STUM: variants seen among roughly 807,000 people sequenced by gnomAD.
STUM encodes the protein protein stum homolog.
In STUM, 8 loss-of-function variants were observed where a neutral mutation model predicts 15.3. The ratio of observed to expected loss-of-function variants is 0.52; its 90% CI spans 0.31 to 0.94. The LOEUF (loss-of-function observed/expected upper bound fraction) is 0.94. Ranked by LOEUF, STUM falls within the 40% of genes least tolerant of loss-of-function variation. STUM has a pLI of 0.05. For missense variants in STUM, 142 were observed against 204.9 expected (o/e 0.69, Z 1.87); for synonymous variants, 78 against 88.7 (o/e 0.88, Z 0.68).
chr1:226,561,119 G>A (rs1207947815), intron 1 of STUM, among the ~76,000 whole-genome samples: 1 of 152,118 alleles, frequency 6.6e-6, no homozygotes, highest in Non-Finnish European at 1.5e-5. Context: ...CCTCAGAATG[G>A]TCAGGTCATG....
intron 1 of STUM, among the ~76,000 whole-genome samples, chr1:226,570,652 G>A (rs1236725657): frequency 6.6e-6 from 1 of 152,166 alleles, no homozygotes; most frequent in Admixed American, 6.5e-5. Flanking sequence ...TTGCCTCTTT[G>A]AGCTCCCTGC....
chr1:226,585,513 G>C (rs1380927193), intron 1 of STUM, among the ~76,000 whole-genome samples: 1 of 152,226 alleles, frequency 6.6e-6, no homozygotes, highest in African/African-American at 2.4e-5. Flanking sequence ...ATGAGGTCTA[G>C]AGAAGTGCCA....
chr1:226,591,471 C>A (rs1668084090), intron 1 of STUM, among the ~76,000 whole-genome samples: 1 of 152,230 alleles, frequency 6.6e-6, no homozygotes, highest in Non-Finnish European at 1.5e-5. Flanking sequence ...TGTGGGCCAG[C>A]CCAGCTTTTC....
chr1:226,578,863 A>T (rs1159555342), intron 1 of STUM, among the ~76,000 whole-genome samples: 1 of 152,114 alleles, frequency 6.6e-6, no homozygotes, highest in Non-Finnish European at 1.5e-5. Context: ...TCTCTTGCTG[A>T]TTTCTCTCTC....
chr1:226,577,976 C>G (rs1667847509), intron 1 of STUM, among the ~76,000 whole-genome samples: 1 of 152,154 alleles, frequency 6.6e-6, no homozygotes. Context: ...GGTCTGCCCC[C>G]TCGGCCTCTT....
intron 1 of STUM, among the ~76,000 whole-genome samples, chr1:226,572,442 G>C (rs929053555): frequency 6.6e-6 from 1 of 152,228 alleles, no homozygotes; most frequent in African/African-American, 2.4e-5. Flanking sequence ...GAAACCCGAG[G>C]TGGGAGAGGC....
chr1:226,592,050 T>C (rs1350992356), intron 1 of STUM, among the ~76,000 whole-genome samples: 1 of 151,680 alleles, frequency 6.6e-6, no homozygotes, highest in Admixed American at 6.6e-5. Context: ...ATTAATTTTT[T>C]TGTTGTTGTT....
chr1:226,549,062 T>C lies in STUM; in HGVS notation c.158T>C (p.Val53Ala). Residue 53 changes from valine (V) to alanine (A), a missense_variant, in exon 1 of 4, where the codon GTG becomes GCG. Transcript: ENST00000366788. The surrounding 1 kb of genome is among the most constrained non-coding windows in gnomAD (Gnocchi z 6.8). ...GCCATCCCCTACATGCCCTTCCCCG[T>C]GGCCGTCATCTGCCTCTTCCTCAAC... ...RAAIPYMPFPVAVICLFLNTF... is the reference protein window; with the variant it reads ...RAAIPYMPFPAAVICLFLNTF... 1 of 1,581,540 alleles carries C rather than the reference T, an allele frequency of 6.3e-7. No individual in the cohort carries two copies. The highest frequency in any genetic ancestry group is 8.6e-7 in the Non-Finnish European group (1 of 1,166,630).
At position 226,565,392 on chromosome 1, in the gene STUM, T is replaced by C. The variant is rs573581150; in HGVS notation, c.202+16286T>C. Among the ~76,000 whole-genome samples the C allele has an allele frequency of 4.3e-4, 66 of 152,294 alleles. No homozygotes were observed. The highest frequency in any genetic ancestry group is 1.6e-3 in the African/African-American group (65 of 41,562). On this transcript the variant is annotated intron_variant, in intron 1 of 3. Transcript: ENST00000366788. The surrounding 1 kb of genome is among the most constrained non-coding windows in gnomAD (Gnocchi z 4.4). ...CTGGTCACACAGAGATGTTTGTTTT[T>C]AGCACCCCTGACTAGACTGTGGGGT...
intron 2 of STUM, among the ~76,000 whole-genome samples, chr1:226,597,862 T>C (rs1443176768): frequency 6.6e-6 from 1 of 152,120 alleles, no homozygotes; most frequent in Non-Finnish European, 1.5e-5. Context: ...TGCCAGGGTC[T>C]CCCAGAATCA....
At chr1:226,574,176 T>G (rs1308526040) in intron 1 of STUM, among the ~76,000 whole-genome samples, 2 of 152,198 alleles carry the variant, frequency 1.3e-5, no homozygotes, top group Non-Finnish European at 2.9e-5. Flanking sequence ...ATGCCATATA[T>G]TAGATCTCTA....
At chr1:226,562,847 T>C (rs1016636093) in intron 1 of STUM, among the ~76,000 whole-genome samples, 1 of 152,216 alleles carries the variant, frequency 6.6e-6, no homozygotes, top group Non-Finnish European at 1.5e-5. Flanking sequence ...AAAATTAGAA[T>C]ACAGATTGCA....
intron 1 of STUM, among the ~76,000 whole-genome samples, chr1:226,589,786 T>C (rs1668056828): frequency 6.6e-6 from 1 of 152,048 alleles, no homozygotes; most frequent in African/African-American, 2.4e-5. Flanking sequence ...ATCTCCCCGC[T>C]CCAGCCCTGA....
At chr1:226,599,460 G>C (rs1042702663) in intron 2 of STUM, among the ~76,000 whole-genome samples, 7 of 152,236 alleles carry the variant, frequency 4.6e-5, no homozygotes, top group African/African-American at 1.7e-4. Context: ...TTATCACAAT[G>C]GACTTTTCTA....
chr1:226,562,575 C>T (rs949206257), intron 1 of STUM, among the ~76,000 whole-genome samples: 1 of 151,954 alleles, frequency 6.6e-6, no homozygotes, highest in Non-Finnish European at 1.5e-5. Flanking sequence ...GATATGATAT[C>T]CTGAGAGGAA....
At chr1:226,591,381 A>T (rs545088041) in intron 1 of STUM, among the ~76,000 whole-genome samples, 3 of 152,232 alleles carry the variant, frequency 2.0e-5, no homozygotes, top group African/African-American at 7.2e-5. Context: ...GTGTGTCAAC[A>T]TGAGTAAAAG....
rs1667330511 is a variant in STUM at position 226,549,270 on chromosome 1, C to T, written c.202+164C>T. On this transcript the variant is annotated intron_variant, in intron 1 of 3. Transcript: ENST00000366788. The surrounding 1 kb of genome is among the most constrained non-coding windows in gnomAD (Gnocchi z 6.8). ...GGCGTCCCCGGGCAGGTGGCAGAAG[C>T]GCGTGGAGTGTGCACCCCAGAGGGG... Among the ~76,000 whole-genome samples the T allele has an allele frequency of 6.6e-6, 1 of 152,178 alleles. No homozygotes were observed. The highest frequency in any genetic ancestry group is 1.5e-5 in the Non-Finnish European group (1 of 68,022).
chr1:226,577,842 A>G (rs1667845030), intron 1 of STUM, among the ~76,000 whole-genome samples: 1 of 152,182 alleles, frequency 6.6e-6, no homozygotes, highest in Non-Finnish European at 1.5e-5. Context: ...TGAAGGAGAC[A>G]GAGGCTGCAC....
At chr1:226,576,163 G>A (rs1253176798) in intron 1 of STUM, among the ~76,000 whole-genome samples, 1 of 152,252 alleles carries the variant, frequency 6.6e-6, no homozygotes, top group Non-Finnish European at 1.5e-5. Flanking sequence ...TCCCTGGCAG[G>A]TGGAGTGATG....
Sources: allele counts gnomAD v4.1 joint callset (sites outside exome capture counted in the v4.1 genomes callset), GRCh38; gene constraint gnomAD v4.1.1; non-coding constraint Gnocchi (gnomAD v3.1); transcripts MANE v1.5; gene names NCBI Gene and HGNC (gene_info 2026-07-23, HGNC 2026-07-21).